TRHDE: variants seen among roughly 807,000 people sequenced by gnomAD.
TRHDE encodes thyrotropin releasing hormone degrading enzyme.
Under a neutral mutation model 125.7 loss-of-function variants are expected in TRHDE, and 72 were observed. The observed-to-expected ratio is 0.57, with a 90% CI of 0.47 to 0.70. TRHDE has a LOEUF of 0.70. Ranked by LOEUF, TRHDE falls within the 30% of genes least tolerant of loss-of-function variation. TRHDE has a pLI of 0.00. For synonymous variants in TRHDE, 509 were observed against 509.1 expected (o/e 1.00, Z 0.00); for missense variants, 1,110 against 1,327.1 (o/e 0.84, Z 2.54).
chr12:72,182,029 T>C (rs1877105479), intron 2 of TRHDE, among the ~76,000 whole-genome samples: 1 of 152,206 alleles, frequency 6.6e-6, no homozygotes, highest in Admixed American at 6.5e-5. Flanking sequence ...ATCTGTCAAA[T>C]TGAGAGCCAT....
At chr12:72,451,776 A>G (rs552826863) in intron 3 of TRHDE, among the ~76,000 whole-genome samples, 1 of 152,052 alleles carries the variant, frequency 6.6e-6, no homozygotes, top group African/African-American at 2.4e-5. Flanking sequence ...ATGAATACTG[A>G]TATCTTTCCA....
chr12:72,181,008 A>T (rs1877086211), intron 2 of TRHDE, among the ~76,000 whole-genome samples: 2 of 152,146 alleles, frequency 1.3e-5, no homozygotes, highest in Non-Finnish European at 1.5e-5. Flanking sequence ...TGACCTGGTA[A>T]TTGTTGATGG....
At chr12:72,211,139 C>G (rs1243502781) in intron 2 of TRHDE, among the ~76,000 whole-genome samples, 2 of 152,090 alleles carry the variant, frequency 1.3e-5, no homozygotes, top group Admixed American at 6.5e-5. Context: ...TGCTTCCGGA[C>G]AAAGCTTTGC....
At chr12:72,235,023 C>T (rs1369964728) in intron 2 of TRHDE, among the ~76,000 whole-genome samples, 1 of 152,164 alleles carries the variant, frequency 6.6e-6, no homozygotes, top group Non-Finnish European at 1.5e-5. Context: ...GTGTCTGGCA[C>T]AGTGCTTAGA....
intron 2 of TRHDE, among the ~76,000 whole-genome samples, chr12:72,195,836 C>T (rs1412993712): frequency 6.6e-6 from 1 of 151,990 alleles, no homozygotes; most frequent in Non-Finnish European, 1.5e-5. Flanking sequence ...GGGTTTTCTT[C>T]TAGGATTCTT....
At chr12:72,256,540 T>C (rs1464964641) in intron 2 of TRHDE, 1 of 152,006 alleles carries the variant, frequency 6.6e-6, no homozygotes, top group Non-Finnish European at 1.5e-5. Context: ...AGAATGCAAG[T>C]TCCACAAGAT....
At chr12:72,231,826 G>C (rs1878252166) in intron 2 of TRHDE, among the ~76,000 whole-genome samples, 1 of 152,176 alleles carries the variant, frequency 6.6e-6, no homozygotes. Context: ...AGGGGTGATG[G>C]TTGTATAATC....
intron 12 of TRHDE, among the ~76,000 whole-genome samples, chr12:72,612,414 A>G (rs1217324971): frequency 1.3e-5 from 2 of 152,184 alleles, no homozygotes; most frequent in African/African-American, 4.8e-5. Context: ...ATGTGAATGG[A>G]AGGAAGGAAG....
chr12:72,250,462 C>T (rs1878657101), intron 2 of TRHDE, among the ~76,000 whole-genome samples: 1 of 152,074 alleles, frequency 6.6e-6, no homozygotes, highest in Non-Finnish European at 1.5e-5. Context: ...TTCCTCTTAT[C>T]TGAATTTTAG....
rs563974132 is a variant in TRHDE, at chr12:72,272,719, A to AAGGAGAAGG, written c.81_82insAAGGAGGAG (p.Glu27_Glu28insLysGluGlu). ...GAAGAAAAAGAAGAGGAAGAAGAAG[A>AAGGAGAAGG]AGGAGGAGGAGGAGGAGGAGGAGGG... is the stretch of plus-strand genomic sequence containing the variant. On this transcript the variant is annotated inframe_insertion, in exon 1 of 19. Transcript: ENST00000261180. This position sits in a 1 kb window ranked among gnomAD's most constrained non-coding sequence, Gnocchi z 6.7. 26 of 1,000,780 alleles carry AAGGAGAAGG rather than the reference A, an allele frequency of 2.6e-5. No homozygotes were observed. Among genetic ancestry groups the AAGGAGAAGG allele is most frequent in the East Asian group, 6.5e-5 (2 of 30,812 alleles). The allele number at this position is 1,000,780 out of a possible 1,614,324, so 62.0% of individuals were successfully genotyped here. A position where few individuals can be genotyped will look rare whatever the true frequency, so the allele number is the denominator to read the frequency against.
intron 3 of TRHDE, among the ~76,000 whole-genome samples, chr12:72,442,616 A>C (rs190625159): frequency 2.0e-5 from 3 of 151,828 alleles, no homozygotes; most frequent in East Asian, 1.9e-4. Flanking sequence ...ATTAATGCTT[A>C]CTGGACCTCC....
intron 3 of TRHDE, among the ~76,000 whole-genome samples, chr12:72,381,315 T>C (rs1872165468): frequency 6.6e-6 from 1 of 151,842 alleles, no homozygotes; most frequent in Non-Finnish European, 1.5e-5. Flanking sequence ...CAAAATATGA[T>C]GGATGCTTGG....
rs778163030 is a variant in TRHDE, at chr12:72,272,984, G to A, written c.341G>A (p.Gly114Glu). ...VLLSLRFDECGASATPGADGG... is the reference protein window; with the variant it reads ...VLLSLRFDECEASATPGADGG... The stretch of plus-strand genomic sequence containing the variant: ...CTCAGCCTGCGCTTCGACGAGTGCG[G>A]GGCGAGTGCCACGCCAGGCGCCGAC... Residue 114 changes from glycine to glutamate, a missense_variant, in exon 1 of 19, where the codon GGG becomes GAG. This residue lies in a region of TRHDE where 248 missense variants were observed against 240.8 expected (regional missense o/e 1.03). Coordinates refer to ENST00000261180, the MANE Select transcript of TRHDE (RefSeq NM_013381.3). This position sits in a 1 kb window ranked among gnomAD's most constrained non-coding sequence, Gnocchi z 6.7. 6.4e-7 allele frequency: 1 copy of A among 1,555,460 alleles called. No individual in the cohort carries two copies. Among genetic ancestry groups the A allele is most frequent in the Non-Finnish European group, 8.6e-7 (1 of 1,157,046 alleles).
intron 2 of TRHDE, among the ~76,000 whole-genome samples, chr12:72,258,621 T>C (rs1174318678): frequency 6.6e-6 from 1 of 152,200 alleles, no homozygotes. Context: ...CTCCTGAATA[T>C]ACTTCTCCCA....
intron 2 of TRHDE, among the ~76,000 whole-genome samples, chr12:72,375,734 AG>A (rs1208973716): frequency 2.6e-5 from 4 of 152,200 alleles, no homozygotes; most frequent in African/African-American, 7.2e-5. Context: ...TTAATAAATG[AG>A]AAGGTCTTTG....
At chr12:72,238,333 T>TATAC (rs1816632069) in intron 2 of TRHDE, among the ~76,000 whole-genome samples, 4 of 30,484 alleles carry the variant, frequency 1.3e-4, no homozygotes, top group East Asian at 5.1e-4. Context: ...CATATATATA[T>TATAC]ACACATTATA....
At chr12:72,327,810 G>A (rs1869409554) in intron 2 of TRHDE, among the ~76,000 whole-genome samples, 1 of 150,918 alleles carries the variant, frequency 6.6e-6, no homozygotes, top group Non-Finnish European at 1.5e-5. Flanking sequence ...TTACATATCA[G>A]ACTGTAAATG....
intron 1 of TRHDE, among the ~76,000 whole-genome samples, chr12:72,284,286 T>A (rs1879800023): frequency 6.6e-6 from 1 of 152,160 alleles, no homozygotes; most frequent in South Asian, 2.1e-4. Flanking sequence ...ATTCGTTCAG[T>A]GATTGAATTG....
intron 2 of TRHDE, among the ~76,000 whole-genome samples, chr12:72,187,744 C>CT (rs1877257145): frequency 6.6e-6 from 1 of 152,160 alleles, no homozygotes; most frequent in Admixed American, 6.5e-5. Flanking sequence ...ATCTGGGCAT[C>CT]TTTTAGCTCA....
Sources: allele counts gnomAD v4.1 joint callset (sites outside exome capture counted in the v4.1 genomes callset), GRCh38; gene constraint gnomAD v4.1.1; regional missense constraint gnomAD v4.1.1; non-coding constraint Gnocchi (gnomAD v3.1); transcripts MANE v1.5; gene names NCBI Gene and HGNC (gene_info 2026-07-23, HGNC 2026-07-21).